Variants in CEP83 observed in about 807,000 individuals in gnomAD.
CEP83 encodes the protein centrosomal protein 83, also known as centrosomal protein of 83 kDa.
Under a neutral mutation model 101.9 loss-of-function variants are expected in CEP83, and 70 were observed. The ratio of observed to expected loss-of-function variants is 0.69; its 90% confidence interval spans 0.57 to 0.84. The LOEUF (loss-of-function observed/expected upper bound fraction) is 0.84, where lower values mean the gene tolerates loss of function less well. Among genes scored for constraint, CEP83 ranks in the 40% least tolerant of loss-of-function variants. The pLI is 0.00. For missense variants in CEP83, 715 were observed against 787.2 expected (o/e 0.91, Z 1.10); for synonymous variants, 264 against 267.9 (o/e 0.99, Z 0.14).
the CEP83 span, among the ~76,000 whole-genome samples, chr12:94,275,044 G>A: frequency 2.0e-5 from 3 of 152,260 alleles, no homozygotes. Context: ...GAAGTTAGAC[G>A]ACTTCCCTAC....
intron 6 of CEP83, among the ~76,000 whole-genome samples, chr12:94,398,666 C>T (rs1244178725): frequency 6.6e-6 from 1 of 152,120 alleles, no homozygotes; most frequent in Non-Finnish European, 1.5e-5. Flanking sequence ...GGAAGACAAC[C>T]ATAAGGTCTG....
chr12:94,331,907 A>C (rs189770407), intron 13 of CEP83, 78 bp from the exon 14 acceptor site: 639 of 1,320,864 alleles, frequency 4.8e-4, no homozygotes, highest in Non-Finnish European at 6.2e-4. Context: ...AAGTATAAGC[A>C]AACTCACTAC....
chr12:94,376,488 A>T (rs1364135758), intron 7 of CEP83, among the ~76,000 whole-genome samples: 2 of 152,000 alleles, frequency 1.3e-5, no homozygotes, highest in Non-Finnish European at 2.9e-5. Flanking sequence ...ATGATTTCAA[A>T]ATCCTCAGCT....
chr12:94,394,211 G>A (rs2062741637), intron 6 of CEP83, among the ~76,000 whole-genome samples: 1 of 152,162 alleles, frequency 6.6e-6, no homozygotes, highest in South Asian at 2.1e-4. Flanking sequence ...CACGCTACCT[G>A]ACTTCTAACT....
At chr12:94,310,851 T>C (rs1354215419) in intron 15 of CEP83, among the ~76,000 whole-genome samples, 1 of 152,220 alleles carries the variant, frequency 6.6e-6, no homozygotes, top group Admixed American at 6.5e-5. Context: ...AATATATATT[T>C]GGTCTTTGCC....
chr12:94,315,395 T>C (rs1970516034), intron 14 of CEP83, among the ~76,000 whole-genome samples: 1 of 152,126 alleles, frequency 6.6e-6, no homozygotes, highest in South Asian at 2.1e-4. Context: ...TTGTGACGTG[T>C]CCATCCTAGT....
At chr12:94,417,193 C>T (rs958484741) in intron 2 of CEP83, among the ~76,000 whole-genome samples, 2 of 151,876 alleles carry the variant, frequency 1.3e-5, no homozygotes, top group Non-Finnish European at 2.9e-5. Flanking sequence ...GTGGCATGTG[C>T]CTATATGCCC....
chr12:94,428,176 CAACCTCA>C (rs1184675648), intron 2 of CEP83, among the ~76,000 whole-genome samples: 1 of 152,220 alleles, frequency 6.6e-6, no homozygotes, highest in East Asian at 1.9e-4. Flanking sequence ...AGTAATGACT[CAACCTCA>C]AATGCTTAGT....
chr12:94,274,270 C>T, the CEP83 span, among the ~76,000 whole-genome samples: 834 of 150,058 alleles, frequency 5.6e-3, 7 homozygotes, highest in African/African-American at 0.02. Context: ...CCTGGGAGGT[C>T]GAGGCTGCAG....
Position 94,351,747 on chromosome 12 carries a change from G to A in CEP83, c.1343+16047C>T, listed in dbSNP as rs186155105. ...CACATACCTGTAGGGACCAATGATG[G>A]GCCCATATGGCAACAGCCACCACTG... On this transcript the variant is annotated intron_variant, in intron 11 of 16. Coordinates refer to ENST00000397809, the MANE Select transcript of CEP83 (RefSeq NM_016122.3). Among the ~76,000 whole-genome samples, 156 of 152,130 alleles carry A rather than the reference G, an allele frequency of 1.0e-3. 2 individuals are homozygous for A. Among genetic ancestry groups the A allele is most frequent in the Admixed American group, 2.9e-3 (45 of 15,282 alleles).
intron 12 of CEP83, among the ~76,000 whole-genome samples, chr12:94,334,621 T>C (rs1180385281): frequency 2.6e-5 from 4 of 152,140 alleles, no homozygotes; most frequent in Admixed American, 1.3e-4. Flanking sequence ...AAGATTCTTA[T>C]ATAATAAACA....
the CEP83 span, among the ~76,000 whole-genome samples, chr12:94,274,090 G>A: frequency 5.4e-5 from 8 of 146,934 alleles, 1 homozygote; most frequent in South Asian, 1.7e-3. Context: ...GGAAGCCAAG[G>A]TGGGAGGATC....
chr12:94,450,344 C>T (rs547002871), intron 1 of CEP83, among the ~76,000 whole-genome samples: 17 of 152,268 alleles, frequency 1.1e-4, no homozygotes, highest in South Asian at 4.2e-4. Flanking sequence ...CTCCGCCTCC[C>T]GGGTTCACGC....
rs145434626 is a variant in CEP83, at chr12:94,431,679, T to G, written c.-102+3596A>C. ...TACATACAAACGACCAATGGGTATA[T>G]GAAAAAATTCTCAACATCATTAATT... is the stretch of plus-strand genomic sequence containing the variant. On this transcript the variant is annotated intron_variant, in intron 2 of 16. Transcript: ENST00000397809. 1.5e-3 allele frequency among the ~76,000 whole-genome samples: 233 copies of G among 151,204 alleles called. 1 individual carries two copies. The highest frequency in any genetic ancestry group is 5.3e-3 in the African/African-American group (217 of 41,294).
intron 6 of CEP83, among the ~76,000 whole-genome samples, chr12:94,391,922 T>C (rs1260741496): frequency 6.6e-6 from 1 of 152,104 alleles, no homozygotes; most frequent in Admixed American, 6.5e-5. Flanking sequence ...AAGGGATCAA[T>C]TCAACAAGAA....
intron 2 of CEP83, among the ~76,000 whole-genome samples, chr12:94,425,868 C>A (rs940427131): frequency 6.6e-6 from 1 of 152,124 alleles, no homozygotes; most frequent in African/African-American, 2.4e-5. Context: ...CGCCTGTAAT[C>A]CCAGCACTTT....
At chr12:94,420,692 G>A (rs771239785) in intron 2 of CEP83, among the ~76,000 whole-genome samples, 1 of 151,932 alleles carries the variant, frequency 6.6e-6, no homozygotes, top group African/African-American at 2.4e-5. Flanking sequence ...CGAAAGACTG[G>A]ACACCCCTGC....
chr12:94,422,259 G>A (rs985193590), intron 2 of CEP83, among the ~76,000 whole-genome samples: 4 of 152,238 alleles, frequency 2.6e-5, no homozygotes, highest in African/African-American at 9.7e-5. Flanking sequence ...GGACGCATTA[G>A]ATTATAAATG....
At chr12:94,395,399 G>GT (rs995209635) in intron 6 of CEP83, among the ~76,000 whole-genome samples, 1 of 151,338 alleles carries the variant, frequency 6.6e-6, no homozygotes, top group African/African-American at 2.4e-5. Context: ...ATTATGATGA[G>GT]TTTCCTCTTT....
Sources: gnomAD v4.1 joint callset for allele counts (sites outside exome capture counted in the v4.1 genomes callset) on GRCh38, gnomAD v4.1.1 for gene constraint, MANE v1.5 for transcripts, NCBI Gene and HGNC (gene_info 2026-07-23, HGNC 2026-07-21) for gene names.